The following DIS3L2 variants were observed in gnomAD, a reference collection of about 807,000 sequenced individuals.
DIS3L2 encodes DIS3 like 3'-5' exoribonuclease 2, also known as DIS3-like exonuclease 2.
In DIS3L2, 34 loss-of-function variants were observed where a neutral mutation model predicts 97.5. That is an observed-to-expected ratio of 0.35 (90% CI 0.27 to 0.46). The LOEUF (loss-of-function observed/expected upper bound fraction) is 0.46, where lower values mean the gene tolerates loss of function less well. DIS3L2 is among the 20% of genes least tolerant of loss of function. DIS3L2 has a pLI of 1.00. For missense variants in DIS3L2, 1,038 were observed against 1,146.0 expected (o/e 0.91, Z 1.36); for synonymous variants, 435 against 445.2 (o/e 0.98, Z 0.29).
chr2:232,249,400 C>T, intron 12 of DIS3L2, 54 bp downstream of exon 12: 1 of 1,555,516 alleles, frequency 6.4e-7, no homozygotes, highest in South Asian at 1.2e-5. Flanking sequence ...TTCCATGAGT[C>T]ATGAAGCACT....
At chr2:232,084,578 T>C (rs960093693) in intron 5 of DIS3L2, among the ~76,000 whole-genome samples, 3 of 152,156 alleles carry the variant, frequency 2.0e-5, no homozygotes, top group African/African-American at 7.2e-5. Context: ...CGGGAATCTT[T>C]TTGGAGATTG....
At chr2:232,030,177 C>T (rs1410291572) in intron 5 of DIS3L2, 97 bp downstream of exon 5, 3 of 988,026 alleles carry the variant, frequency 3.0e-6, no homozygotes, top group East Asian at 2.5e-5. Flanking sequence ...GAGTCACAGA[C>T]CCCTTAGGCG....
At chr2:232,259,107 T>G (rs981956330) in intron 12 of DIS3L2, among the ~76,000 whole-genome samples, 2 of 152,122 alleles carry the variant, frequency 1.3e-5, no homozygotes, top group African/African-American at 4.8e-5. Flanking sequence ...CCTTCGTGTA[T>G]TTAAAGAGAA....
At chr2:232,119,695 G>T (rs1422664561) in intron 6 of DIS3L2, among the ~76,000 whole-genome samples, 1 of 152,194 alleles carries the variant, frequency 6.6e-6, no homozygotes, top group South Asian at 2.1e-4. Context: ...ACAGTTAATA[G>T]CTGGGAATGG....
intron 8 of DIS3L2, among the ~76,000 whole-genome samples, chr2:232,143,578 T>G (rs1391757674): frequency 6.6e-5 from 10 of 152,088 alleles, no homozygotes; most frequent in Non-Finnish European, 1.3e-4. Flanking sequence ...CTATTGAAAA[T>G]GAAAATTTCC....
intron 9 of DIS3L2, among the ~76,000 whole-genome samples, chr2:232,183,817 ACCC>A (rs1401712832): frequency 1.3e-5 from 2 of 152,116 alleles, no homozygotes; most frequent in African/African-American, 2.4e-5. Flanking sequence ...AATTAAGCAA[ACCC>A]GGTAAATGGG....
intron 5 of DIS3L2, among the ~76,000 whole-genome samples, chr2:232,077,996 TC>T: frequency 1.4e-5 from 2 of 143,778 alleles, no homozygotes; most frequent in Non-Finnish European, 1.5e-5. Context: ...TTTCTTTCTT[TC>T]TTTCTTTCTT....
chr2:232,340,325 A>G (rs1696077806), downstream of DIS3L2, among the ~76,000 whole-genome samples: 1 of 152,166 alleles, frequency 6.6e-6, no homozygotes, highest in Non-Finnish European at 1.5e-5. Context: ...CGGGACCCCC[A>G]GCTCTGAGAC....
Position 232,336,547 on chromosome 2 carries a change from C to T in DIS3L2, c.2575C>T (p.Arg859Trp), listed in dbSNP as rs756617073. The T allele has an allele frequency of 5.0e-6, 8 of 1,609,918 alleles. No individual in the cohort carries two copies. Among genetic ancestry groups the T allele is most frequent in the East Asian group, 2.2e-5 (1 of 44,856 alleles). Residue 859 changes from arginine to tryptophan, a missense_variant, in exon 21 of 21, where the codon CGG (arginine) becomes TGG (tryptophan). Around this residue, in one of 3 missense-constraint regions of DIS3L2, gnomAD observed 221 missense variants for 246.9 expected, o/e 0.90. Transcript: ENST00000325385. Reference sequence around the variant, plus strand: ...CCTCAAGTACAGCGCCATCCTGAAGCGGCCAGGCACCCAGGGCCACCTGGG... The same window carrying T: ...CCTCAAGTACAGCGCCATCCTGAAGTGGCCAGGCACCCAGGGCCACCTGGG... ...TALKYSAILK[R>W]PGTQGHLGPE...
intron 19 of DIS3L2, 138 bp downstream of exon 19, chr2:232,334,873 T>A (rs1695889554): frequency 1.4e-6 from 1 of 699,638 alleles, no homozygotes; most frequent in Non-Finnish European, 2.4e-6. Flanking sequence ...TGGGCCTTGC[T>A]GAGACGCCCA....
chr2:231,998,464 A>G (rs1218491865), intron 1 of DIS3L2, among the ~76,000 whole-genome samples: 1 of 152,208 alleles, frequency 6.6e-6, no homozygotes, highest in African/African-American at 2.4e-5. Flanking sequence ...CATTCAAACC[A>G]TAGAACTGAT....
Position 232,024,268 on chromosome 2 carries a change from G to C in DIS3L2, c.211-9G>C. ...TAGATTTTCACAAACTTTATTTTTTGTTTTAAAGGGTGTATTGAGAATTAA... is the reference window on the plus strand; with the variant it reads ...TAGATTTTCACAAACTTTATTTTTTCTTTTAAAGGGTGTATTGAGAATTAA... On this transcript the variant is annotated splice_polypyrimidine_tract_variant and intron_variant, in intron 3 of 20. Transcript: ENST00000325385. 1 of 1,579,680 alleles carries C rather than the reference G, an allele frequency of 6.3e-7. No homozygotes were observed. Among genetic ancestry groups the C allele is most frequent in the South Asian group, 1.2e-5 (1 of 84,116 alleles).
At chr2:232,210,778 C>T (rs1308096446) in intron 10 of DIS3L2, among the ~76,000 whole-genome samples, 1 of 151,342 alleles carries the variant, frequency 6.6e-6, no homozygotes, top group Non-Finnish European at 1.5e-5. Flanking sequence ...GGGTTCTTTA[C>T]CTGAATTTAA....
chr2:232,059,336 T>C (rs1014998184), intron 5 of DIS3L2, among the ~76,000 whole-genome samples: 1 of 152,082 alleles, frequency 6.6e-6, no homozygotes, highest in African/African-American at 2.4e-5. Context: ...GCTTAGAAAA[T>C]TGTTGGTTTT....
At chr2:232,026,727 A>T (rs1694670634) in intron 4 of DIS3L2, among the ~76,000 whole-genome samples, 1 of 152,182 alleles carries the variant, frequency 6.6e-6, no homozygotes, top group Non-Finnish European at 1.5e-5. Context: ...AGTAATTTAC[A>T]TCTGCAAATG....
At chr2:232,277,079 G>T (rs1482648389) in intron 13 of DIS3L2, among the ~76,000 whole-genome samples, 7 of 152,204 alleles carry the variant, frequency 4.6e-5, no homozygotes, top group African/African-American at 1.7e-4. Context: ...GGGAGGATTT[G>T]AAATGTAAAT....
intron 6 of DIS3L2, among the ~76,000 whole-genome samples, chr2:232,088,477 GC>G: frequency 6.6e-6 from 1 of 151,696 alleles, no homozygotes; most frequent in East Asian, 1.9e-4. Context: ...CAGGAGAATG[GC>G]GTGAACCTGG....
chr2:232,246,069 G>A (rs1016455536), intron 11 of DIS3L2, among the ~76,000 whole-genome samples: 28 of 152,214 alleles, frequency 1.8e-4, no homozygotes, highest in African/African-American at 5.1e-4. Flanking sequence ...TTGCTCCTGA[G>A]GTTTCAGTGT....
intron 5 of DIS3L2, among the ~76,000 whole-genome samples, chr2:232,039,998 G>C (rs1008381630): frequency 6.6e-6 from 1 of 152,118 alleles, no homozygotes; most frequent in Non-Finnish European, 1.5e-5. Flanking sequence ...CAGGCTTTGC[G>C]CTTAAGGAGT....
Sources: gnomAD v4.1 joint callset for allele counts (sites outside exome capture counted in the v4.1 genomes callset) on GRCh38, gnomAD v4.1.1 for gene constraint, gnomAD v4.1.1 regional missense constraint, MANE v1.5 for transcripts, NCBI Gene and HGNC (gene_info 2026-07-23, HGNC 2026-07-21) for gene names.